Variants in ANO4 observed in about 807,000 individuals in gnomAD.
The protein encoded by ANO4 is anoctamin-4.
A neutral mutation model predicts 141.9 loss-of-function variants in ANO4; 69 were observed. That is an observed-to-expected ratio of 0.49 (90% CI 0.40 to 0.59). The LOEUF is 0.59. Ranked by LOEUF, ANO4 falls within the 20% of genes least tolerant of loss-of-function variation. The pLI, the probability that ANO4 is intolerant of heterozygous loss-of-function variation, is 0.00. For missense variants in ANO4, 894 were observed against 1,162.2 expected, an observed-to-expected ratio of 0.77 and a Z score of 3.36; for synonymous variants, 350 against 394.3, an observed-to-expected ratio of 0.89 and a Z score of 1.33.
intron 5 of ANO4, among the ~76,000 whole-genome samples, chr12:100,966,073 G>A (rs1003417643): frequency 3.3e-5 from 5 of 152,108 alleles, no homozygotes; most frequent in Admixed American, 3.3e-4. Flanking sequence ...TGGGTGCTTG[G>A]ATCTCAGGAT....
At chr12:100,827,461 A>G (rs1399439) in intron 1 of ANO4, among the ~76,000 whole-genome samples, 5,641 of 152,070 alleles carry the variant, frequency 0.037, 144 homozygotes, top group East Asian at 0.065. Flanking sequence ...AATTAAATGT[A>G]TCTTTGTTGT....
chr12:100,837,765 A>AATAAAGG (rs2037013327), intron 1 of ANO4, among the ~76,000 whole-genome samples: 1 of 150,842 alleles, frequency 6.6e-6, no homozygotes, highest in Admixed American at 6.6e-5. Flanking sequence ...AAGTCAGGGC[A>AATAAAGG]ATAAAGGTTT....
intron 9 of ANO4, among the ~76,000 whole-genome samples, chr12:101,020,804 G>C (rs773731238): frequency 2.0e-5 from 3 of 152,160 alleles, no homozygotes; most frequent in African/African-American, 4.8e-5. Flanking sequence ...CACATTTCCT[G>C]CCTTATTAAA....
At chr12:100,733,347 C>T (rs975564513) in intron 1 of ANO4, among the ~76,000 whole-genome samples, 3 of 152,144 alleles carry the variant, frequency 2.0e-5, no homozygotes, top group Non-Finnish European at 4.4e-5. Flanking sequence ...TCAATTCATC[C>T]ACTTTTTGCC....
chr12:100,833,386 A>G (rs1440502636), intron 1 of ANO4, among the ~76,000 whole-genome samples: 2 of 152,128 alleles, frequency 1.3e-5, no homozygotes, highest in Admixed American at 6.5e-5. Context: ...ACTATTTTAG[A>G]GCACTGATTC....
At position 100,925,765 on chromosome 12, in the gene ANO4, G is replaced by GTATA. The variant is rs62812263; in HGVS notation, c.160+3447_160+3450dup. On this transcript the variant is annotated intron_variant, in intron 3 of 27. Coordinates refer to ENST00000392977, the MANE Select transcript of ANO4 (RefSeq NM_001286615.2). ...CAAATGTTGTGACTATTTATATATA[G>GTATA]TATATATATATATATGTATGCATGT... is the stretch of plus-strand genomic sequence containing the variant. Among the ~76,000 whole-genome samples the GTATA allele has an allele frequency of 2.0e-5, 3 of 146,480 alleles. No homozygotes were observed. The East Asian group carries it at 6.0e-4, about 29-fold the overall frequency.
At chr12:100,721,718 G>A (rs114619384) in intron 1 of ANO4, among the ~76,000 whole-genome samples, 2,516 of 152,164 alleles carry the variant, frequency 0.017, 65 homozygotes, top group African/African-American at 0.057. Flanking sequence ...TCACTCTGTT[G>A]CCCAGGCTGG....
chr12:101,034,960 G>A (rs144748074), intron 9 of ANO4, among the ~76,000 whole-genome samples: 6 of 152,252 alleles, frequency 3.9e-5, no homozygotes, highest in Non-Finnish European at 7.4e-5. Context: ...ATGTAAAATT[G>A]TACAACCACT....
At chr12:100,740,212 G>C in intron 3 of ANO4, 2 of 654,364 alleles carry the variant, frequency 3.1e-6, no homozygotes, top group Non-Finnish European at 2.8e-6. Context: ...TGTGTGATAT[G>C]ATGGACCCCA....
At chr12:101,121,276 C>T in intron 26 of ANO4, among the ~76,000 whole-genome samples, 1 of 151,824 alleles carries the variant, frequency 6.6e-6, no homozygotes, top group Non-Finnish European at 1.5e-5. Context: ...ATCTTTATGT[C>T]CATGTGTACC....
chr12:100,783,811 G>T (rs2033780700), intron 3 of ANO4, among the ~76,000 whole-genome samples: 1 of 152,108 alleles, frequency 6.6e-6, no homozygotes, highest in Non-Finnish European at 1.5e-5. Flanking sequence ...TGTACCCTGG[G>T]TGTTGCTGCA....
At chr12:101,069,060 G>T (rs2136785508) in intron 14 of ANO4, 1 of 906,466 alleles carries the variant, frequency 1.1e-6, no homozygotes, top group African/African-American at 1.6e-5. Context: ...GAGGAGTGCT[G>T]CCAGAAATTT....
intron 1 of ANO4, among the ~76,000 whole-genome samples, chr12:100,831,857 C>CT (rs1422370557): frequency 1.3e-5 from 2 of 151,986 alleles, no homozygotes; most frequent in Non-Finnish European, 2.9e-5. Flanking sequence ...TAGAGTGGGA[C>CT]TAGATGATTT....
chr12:101,007,472 A>G (rs150899788), intron 8 of ANO4, among the ~76,000 whole-genome samples: 135 of 152,328 alleles, frequency 8.9e-4, no homozygotes, highest in Non-Finnish European at 1.6e-3. Context: ...ATCCTCAAAC[A>G]TCCTCTGAAG....
chr12:101,002,170 A>G (rs2045674192), intron 8 of ANO4, among the ~76,000 whole-genome samples: 1 of 152,058 alleles, frequency 6.6e-6, no homozygotes. Flanking sequence ...TCACTCCCAA[A>G]TCTGTCTATC....
chr12:100,884,336 A>G (rs73389627), intron 1 of ANO4, among the ~76,000 whole-genome samples: 3,740 of 152,284 alleles, frequency 0.025, 180 homozygotes, highest in African/African-American at 0.086. Context: ...ATATCGATTA[A>G]GGAAATTCAG....
At chr12:101,014,660 C>CA (rs1593016623) in intron 8 of ANO4, among the ~76,000 whole-genome samples, 1 of 152,114 alleles carries the variant, frequency 6.6e-6, no homozygotes, top group Non-Finnish European at 1.5e-5. Context: ...GGGCAAATTA[C>CA]ATTAGCCCGT....
intron 8 of ANO4, among the ~76,000 whole-genome samples, chr12:101,019,433 G>C (rs1371409600): frequency 6.6e-6 from 1 of 152,104 alleles, no homozygotes; most frequent in East Asian, 1.9e-4. Context: ...ACAAAGTAGA[G>C]ACTGGCTAGG....
At chr12:100,862,865 G>A (rs1413274449) in intron 1 of ANO4, among the ~76,000 whole-genome samples, 5 of 152,182 alleles carry the variant, frequency 3.3e-5, no homozygotes, top group African/African-American at 1.2e-4. Context: ...ATTATGCAGT[G>A]CATGACTGTA....
Sources: gnomAD v4.1 joint callset for allele counts (sites outside exome capture counted in the v4.1 genomes callset) on GRCh38, gnomAD v4.1.1 for gene constraint, MANE v1.5 for transcripts, NCBI Gene and HGNC (gene_info 2026-07-23, HGNC 2026-07-21) for gene names.